Variants in ITM2C observed in about 807,000 individuals in gnomAD.
The protein encoded by ITM2C is BRICHOS domain containing 2C.
ITM2C carries 20 observed loss-of-function variants against 30.0 expected under a neutral mutation model. That is an observed-to-expected ratio of 0.67 (90% CI 0.47 to 0.97). ITM2C has a LOEUF of 0.97. ITM2C is among the 50% of genes least tolerant of loss of function. ITM2C has a pLI of 0.00. For missense variants in ITM2C, 366 were observed against 371.9 expected (o/e 0.98, Z 0.13); for synonymous variants, 167 against 156.4 (o/e 1.07, Z -0.51).
intron 1 of ITM2C, among the ~76,000 whole-genome samples, chr2:230,868,210 C>G (rs1329235964): frequency 1.3e-5 from 2 of 151,468 alleles, no homozygotes; most frequent in Non-Finnish European, 2.9e-5. Flanking sequence ...CTCAGTGGGC[C>G]AGGGAGGGAT....
rs1309366214 is a variant in ITM2C, at chr2:230,878,203, T to C, written c.*104T>C. 6.7e-6 allele frequency: 5 copies of C among 749,952 alleles called. No homozygotes were observed. In the East Asian group the frequency reaches 1.2e-4, roughly 17 times the overall value. 46.5% of individuals were successfully genotyped at this position (749,952 alleles called of 1,614,324 possible). A position where few individuals can be genotyped will look rare whatever the true frequency, so the allele number is the denominator to read the frequency against. ...TGCTTAGCTTGTACTTTGGACGCGT[T>C]TCTATAGAGGTGACATGTCTCTCCA... On this transcript the variant is annotated 3_prime_UTR_variant, in exon 6 of 6. Transcript: ENST00000326427. The surrounding 1 kb of genome is among the most constrained non-coding windows in gnomAD (Gnocchi z 4.5).
intron 1 of ITM2C, among the ~76,000 whole-genome samples, chr2:230,872,305 C>T (rs541154910): frequency 3.3e-5 from 5 of 152,306 alleles, no homozygotes; most frequent in East Asian, 3.9e-4. Flanking sequence ...AGACTGGCCC[C>T]GGGGCTTTTG....
intron 2 of ITM2C, 70 bp from the exon 3 acceptor site, chr2:230,875,550 G>C: frequency 7.2e-7 from 1 of 1,393,742 alleles, no homozygotes; most frequent in South Asian, 1.4e-5. Flanking sequence ...GGGTAGGCAA[G>C]AGGGGGCCTT....
intron 1 of ITM2C, among the ~76,000 whole-genome samples, chr2:230,868,093 G>C (rs1697073812): frequency 6.6e-6 from 1 of 151,954 alleles, no homozygotes; most frequent in African/African-American, 2.4e-5. Flanking sequence ...GTGGGGGCAG[G>C]GTGAGGCGGC....
Position 230,875,746 on chromosome 2 carries a change from A to G in ITM2C, c.388A>G (p.Asn130Asp). The change falls in exon 3 of 6, where the codon AAC becomes GAC. Residue 130 changes from asparagine to aspartate, a missense_variant. Transcript: ENST00000326427. ...CCTCGACGAGAACTACGAGCGCATC[A>G]ACGTGCCTGTGCCCCAGTTTGGCGG... ...IYLDENYERI[N>D]VPVPQFGGGD... 2 of 1,601,372 alleles carry G rather than the reference A, an allele frequency of 1.2e-6. No individual in the cohort carries two copies. Among genetic ancestry groups the G allele is most frequent in the Non-Finnish European group, 1.7e-6 (2 of 1,172,342 alleles).
Position 230,877,340 on chromosome 2 carries a change from C to A in ITM2C, c.562-60C>A. The A allele has an allele frequency of 6.4e-7, 1 of 1,570,694 alleles. No homozygotes were observed. The highest frequency in any genetic ancestry group is 1.3e-5 in the African/African-American group (1 of 74,160). ...GAGGGAGGTGGGCTGGCATTTCGGGCGAGGGGTTGGACGAAAGCCTGAGGG... is the reference window on the plus strand; with the variant it reads ...GAGGGAGGTGGGCTGGCATTTCGGGAGAGGGGTTGGACGAAAGCCTGAGGG... On this transcript the variant is annotated intron_variant, in intron 4 of 5. Transcript: ENST00000326427. The surrounding 1 kb of genome is among the most constrained non-coding windows in gnomAD (Gnocchi z 4.8).
upstream of ITM2C, chr2:230,864,593 CA>C (rs1696974110): frequency 1.3e-5 from 2 of 152,710 alleles, no homozygotes; most frequent in Admixed American, 6.5e-5. This position sits in a 1 kb window ranked among gnomAD's most constrained non-coding sequence, Gnocchi z 4.3. Flanking sequence ...GCCTGGCAAA[CA>C]CTGGGTTAAC....
intron 2 of ITM2C, among the ~76,000 whole-genome samples, chr2:230,875,055 G>A (rs910184004): frequency 6.6e-5 from 10 of 152,036 alleles, no homozygotes; most frequent in Non-Finnish European, 1.5e-4. Flanking sequence ...CACCCGCCGT[G>A]TTAGGCCCCT....
At chr2:230,868,542 G>T (rs943939965) in intron 1 of ITM2C, among the ~76,000 whole-genome samples, 6 of 152,156 alleles carry the variant, frequency 3.9e-5, no homozygotes, top group Non-Finnish European at 8.8e-5. Flanking sequence ...AGCTGGGGCT[G>T]TAAGGGGAGA....
chr2:230,873,048 CT>C (rs1488150191), intron 1 of ITM2C, among the ~76,000 whole-genome samples: 4 of 152,122 alleles, frequency 2.6e-5, no homozygotes, highest in Non-Finnish European at 5.9e-5. Flanking sequence ...GGCACATCCC[CT>C]ATCTTCTGTT....
chr2:230,878,986 C>T lies in ITM2C; in HGVS notation c.*887C>T, dbSNP rs1180222215. 1 of 152,660 alleles carries T rather than the reference C, an allele frequency of 6.6e-6. No homozygotes were observed. The highest frequency in any genetic ancestry group is 1.5e-5 in the Non-Finnish European group (1 of 68,046). 9.5% of individuals were successfully genotyped at this position (152,660 alleles called of 1,614,324 possible). On this transcript the variant is annotated 3_prime_UTR_variant, in exon 6 of 6. Transcript: ENST00000326427. The surrounding 1 kb of genome is among the most constrained non-coding windows in gnomAD (Gnocchi z 4.5). ...GAGGGAAAGGGAGAGCCACCTGGTA[C>T]TTGTCCACCCTGCCTCCTCTGTTCT...
intron 1 of ITM2C, chr2:230,873,157 T>G (rs749142267): frequency 1.2e-4 from 47 of 398,590 alleles, no homozygotes; most frequent in Non-Finnish European, 1.8e-4. Flanking sequence ...TCTCTTTCGG[T>G]GGCTTCCAGG....
At chr2:230,872,981 G>C (rs1052927178) in intron 1 of ITM2C, among the ~76,000 whole-genome samples, 1 of 152,142 alleles carries the variant, frequency 6.6e-6, no homozygotes, top group Non-Finnish European at 1.5e-5. Flanking sequence ...CAGCCTGCCT[G>C]GTGTGTCTCA....
chr2:230,876,738 C>T, intron 3 of ITM2C, 119 bp from the exon 4 acceptor site: 2 of 656,830 alleles, frequency 3.0e-6, no homozygotes, highest in Non-Finnish European at 2.7e-6. Flanking sequence ...CCTCAGCCTC[C>T]CAAAGTGCTG....
Position 230,878,272 on chromosome 2 carries a change from C to A in ITM2C, c.*173C>A. On this transcript the variant is annotated 3_prime_UTR_variant, in exon 6 of 6. Coordinates refer to ENST00000326427, the MANE Select transcript of ITM2C (RefSeq NM_030926.6). The surrounding 1 kb of genome is among the most constrained non-coding windows in gnomAD (Gnocchi z 4.5). ...CACCTCCCTGTACCAGAGCTGTGAT[C>A]TCTCGGTGGGGGGCCCATCTCTGCT... is the stretch of plus-strand genomic sequence containing the variant. 2.3e-6 allele frequency: 1 copy of A among 440,776 alleles called. No homozygotes were observed. The highest frequency in any genetic ancestry group is 4.0e-6 in the Non-Finnish European group (1 of 249,094). The allele number at this position is 440,776 out of a possible 1,614,324, so 27.3% of individuals were successfully genotyped here.
chr2:230,868,701 C>T (rs1191405651), intron 1 of ITM2C, among the ~76,000 whole-genome samples: 3 of 152,208 alleles, frequency 2.0e-5, no homozygotes, highest in South Asian at 2.1e-4. Context: ...CTCAGGCCCT[C>T]GGCAGGAGGA....
intron 1 of ITM2C, among the ~76,000 whole-genome samples, chr2:230,866,451 CAG>C: frequency 6.6e-6 from 1 of 152,014 alleles, no homozygotes; most frequent in African/African-American, 2.4e-5. Context: ...TCAGCCTGGG[CAG>C]AGACCCTGAG....
chr2:230,866,868 G>T (rs1041859672), intron 1 of ITM2C, among the ~76,000 whole-genome samples: 1 of 152,124 alleles, frequency 6.6e-6, no homozygotes, highest in Non-Finnish European at 1.5e-5. Flanking sequence ...CCATCAGAAG[G>T]TCCCCCAGAT....
rs951079114 is a variant in ITM2C at position 230,879,000 on chromosome 2, C to G, written c.*901C>G. 1.3e-5 allele frequency: 2 copies of G among 152,648 alleles called. No individual in the cohort carries two copies. The highest frequency in any genetic ancestry group is 4.8e-5 in the African/African-American group (2 of 41,440). 9.5% of individuals were successfully genotyped at this position (152,648 alleles called of 1,614,324 possible). On this transcript the variant is annotated 3_prime_UTR_variant, in exon 6 of 6. Coordinates refer to ENST00000326427, the MANE Select transcript of ITM2C (RefSeq NM_030926.6). This position sits in a 1 kb window ranked among gnomAD's most constrained non-coding sequence, Gnocchi z 4.5. ...GCCACCTGGTACTTGTCCACCCTGCCTCCTCTGTTCTGAAATTCCATCCCC... is the reference window on the plus strand; with the variant it reads ...GCCACCTGGTACTTGTCCACCCTGCGTCCTCTGTTCTGAAATTCCATCCCC...
Sources: gnomAD v4.1 joint callset for allele counts (sites outside exome capture counted in the v4.1 genomes callset) on GRCh38, gnomAD v4.1.1 for gene constraint, Gnocchi (gnomAD v3.1) non-coding constraint, MANE v1.5 for transcripts, NCBI Gene and HGNC (gene_info 2026-07-23, HGNC 2026-07-21) for gene names.